GRM5: variants seen among roughly 807,000 people sequenced by gnomAD.
The protein encoded by GRM5 is metabotropic glutamate receptor 5.
A neutral mutation model predicts 83.1 loss-of-function variants in GRM5; 19 were observed. The observed-to-expected ratio is 0.23, with a 90% CI of 0.16 to 0.34. The LOEUF (loss-of-function observed/expected upper bound fraction) is 0.34, where lower values mean the gene tolerates loss of function less well. GRM5 is among the 10% of genes least tolerant of loss of function. The pLI is 1.00. For synonymous variants in GRM5, 675 were observed against 633.6 expected (o/e 1.07, Z -0.98); for missense variants, 1,160 against 1,588.3 (o/e 0.73, Z 4.58).
rs527828483 is a variant in GRM5 at position 88,888,906 on chromosome 11, G to T, written c.662-38751C>A. Among the ~76,000 whole-genome samples the T allele has an allele frequency of 9.0e-4, 137 of 152,296 alleles. 1 individual carries two copies. Among genetic ancestry groups the T allele is most frequent in the African/African-American group, 3.0e-3 (125 of 41,568 alleles). Reference sequence around the variant, plus strand: ...ATGATCAGTAACAAACTTGGCTAAAGGCCTCCATCTTGCTTCTTGTCCTTG... The same window carrying T: ...ATGATCAGTAACAAACTTGGCTAAATGCCTCCATCTTGCTTCTTGTCCTTG... On this transcript the variant is annotated intron_variant, in intron 2 of 9. Transcript: ENST00000305447.
chr11:88,996,732 G>C (rs1940196872), intron 2 of GRM5, among the ~76,000 whole-genome samples: 1 of 152,046 alleles, frequency 6.6e-6, no homozygotes, highest in Admixed American at 6.6e-5. Context: ...CGTGCCTTTG[G>C]AACATACACT....
intron 2 of GRM5, among the ~76,000 whole-genome samples, chr11:88,936,507 CA>C (rs1937899613): frequency 6.6e-6 from 1 of 151,554 alleles, no homozygotes; most frequent in African/African-American, 2.4e-5. Flanking sequence ...ACTACTATGT[CA>C]AATAAAGAAA....
At chr11:88,536,485 G>A (rs1304718075) in intron 8 of GRM5, among the ~76,000 whole-genome samples, 3 of 152,154 alleles carry the variant, frequency 2.0e-5, no homozygotes, top group Non-Finnish European at 4.4e-5. Context: ...TCCCTGCCTT[G>A]AGACAGAATT....
chr11:88,965,822 C>T (rs1938941549), intron 2 of GRM5, among the ~76,000 whole-genome samples: 1 of 152,128 alleles, frequency 6.6e-6, no homozygotes, highest in African/African-American at 2.4e-5. Flanking sequence ...CATCAACACT[C>T]CTCAGTAATT....
intron 7 of GRM5, among the ~76,000 whole-genome samples, chr11:88,580,416 T>A (rs1305380165): frequency 2.6e-5 from 4 of 152,220 alleles, no homozygotes; most frequent in Non-Finnish European, 4.4e-5. Context: ...CACAATAGCC[T>A]TCATTTTATT....
chr11:89,055,847 TC>T (rs1235075823), intron 1 of GRM5, among the ~76,000 whole-genome samples: 3 of 152,142 alleles, frequency 2.0e-5, no homozygotes, highest in Non-Finnish European at 4.4e-5. Context: ...TTGCTAAGTA[TC>T]TCACATGAAA....
intron 2 of GRM5, among the ~76,000 whole-genome samples, chr11:88,912,250 A>G (rs901029816): frequency 2.6e-5 from 4 of 152,010 alleles, no homozygotes; most frequent in African/African-American, 9.7e-5. Context: ...TATAACTAAA[A>G]TAATGATAAT....
chr11:88,719,635 C>T (rs2135393156), intron 3 of GRM5, among the ~76,000 whole-genome samples: 1 of 152,114 alleles, frequency 6.6e-6, no homozygotes, highest in South Asian at 2.1e-4. Flanking sequence ...GAGGAATTGC[C>T]ACACTGAGTT....
chr11:88,686,131 A>C (rs977059602), intron 3 of GRM5, among the ~76,000 whole-genome samples: 1 of 152,180 alleles, frequency 6.6e-6, no homozygotes, highest in Non-Finnish European at 1.5e-5. Flanking sequence ...TACCCTGCAA[A>C]GCAACAGGGG....
intron 1 of GRM5, among the ~76,000 whole-genome samples, chr11:89,055,185 G>T (rs1465417794): frequency 6.6e-6 from 1 of 152,148 alleles, no homozygotes; most frequent in Non-Finnish European, 1.5e-5. Flanking sequence ...GTTGTTAAGA[G>T]CATGGGCTTG....
chr11:88,776,909 T>C (rs1285725446), intron 3 of GRM5, among the ~76,000 whole-genome samples: 1 of 152,174 alleles, frequency 6.6e-6, no homozygotes, highest in Non-Finnish European at 1.5e-5. Flanking sequence ...ATCTGACAAT[T>C]ATGTGTCTTG....
chr11:88,977,299 G>A (rs1021645275), intron 2 of GRM5, among the ~76,000 whole-genome samples: 4 of 151,854 alleles, frequency 2.6e-5, no homozygotes, highest in South Asian at 2.1e-4. Context: ...TGCAAGCTCC[G>A]ATTCCCAAGT....
chr11:88,694,064 A>C lies in GRM5; in HGVS notation c.912-40661T>G, dbSNP rs116150378. 3.6e-3 allele frequency among the ~76,000 whole-genome samples: 545 copies of C among 152,328 alleles called. 2 individuals are homozygous for C. Among genetic ancestry groups the C allele is most frequent in the African/African-American group, 0.012 (513 of 41,566 alleles). On this transcript the variant is annotated intron_variant, in intron 3 of 9. Transcript: ENST00000305447. ...CCTAAATGCTCTGGCCTGGTTTTCT[A>C]ATCTGCAAATTGGAGATAATAGTAC...
intron 3 of GRM5, among the ~76,000 whole-genome samples, chr11:88,801,749 A>G (rs983700918): frequency 1.3e-5 from 2 of 152,170 alleles, no homozygotes; most frequent in African/African-American, 2.4e-5. Flanking sequence ...TAGTCAAATG[A>G]AAGGCACATT....
At chr11:88,994,463 ATAT>A (rs1940106527) in intron 2 of GRM5, among the ~76,000 whole-genome samples, 1 of 100,246 alleles carries the variant, frequency 1.0e-5, no homozygotes, top group African/African-American at 3.8e-5. Flanking sequence ...ATATATATAT[ATAT>A]ATATATATAT....
intron 3 of GRM5, among the ~76,000 whole-genome samples, chr11:88,660,840 C>A (rs1939886773): frequency 6.6e-6 from 1 of 152,132 alleles, no homozygotes; most frequent in Non-Finnish European, 1.5e-5. Flanking sequence ...ATTCTTTTAA[C>A]TTCTCACATG....
rs546531000 is a variant in GRM5, at chr11:88,724,598, T to TAACA, written c.912-71199_912-71196dup. On this transcript the variant is annotated intron_variant, in intron 3 of 9. Transcript: ENST00000305447. ...ACTTACTGCATGAATGGATGGATAA[T>TAACA]AACAAACATAGGTGGCTGGCAAGAT... 1.6e-3 allele frequency among the ~76,000 whole-genome samples: 243 copies of TAACA among 152,220 alleles called. 1 individual carries two copies. Among genetic ancestry groups the TAACA allele is most frequent in the African/African-American group, 5.6e-3 (231 of 41,552 alleles).
chr11:88,565,941 C>T (rs1445973421), intron 8 of GRM5, among the ~76,000 whole-genome samples: 2 of 152,156 alleles, frequency 1.3e-5, no homozygotes, highest in Non-Finnish European at 2.9e-5. Context: ...TCTTTACCAT[C>T]ATAATAAGTC....
chr11:88,976,732 T>A (rs914659721), intron 2 of GRM5, among the ~76,000 whole-genome samples: 1 of 152,140 alleles, frequency 6.6e-6, no homozygotes, highest in Non-Finnish European at 1.5e-5. Context: ...TAAGTTTTTA[T>A]ATTGTGGTAG....
Sources: allele counts gnomAD v4.1 joint callset (sites outside exome capture counted in the v4.1 genomes callset), GRCh38; gene constraint gnomAD v4.1.1; transcripts MANE v1.5; gene names NCBI Gene and HGNC (gene_info 2026-07-23, HGNC 2026-07-21).